The following IGFBP7 variants were observed in gnomAD, a reference collection of about 807,000 sequenced individuals.
The protein encoded by IGFBP7 is insulin-like growth factor-binding protein 7.
In IGFBP7, 31 loss-of-function variants were observed where a neutral mutation model predicts 29.4. The observed-to-expected ratio is 1.05, with a 90% confidence interval of 0.79 to 1.42. The LOEUF (loss-of-function observed/expected upper bound fraction) is 1.42. Ranked by LOEUF, IGFBP7 falls within the 40% of genes most tolerant of loss-of-function variation. IGFBP7 has a pLI of 0.00. For synonymous variants in IGFBP7, 172 were observed against 174.9 expected (o/e 0.98, Z 0.13); for missense variants, 393 against 395.5 (o/e 0.99, Z 0.05).
chr4:57,072,831 A>G, intron 1 of IGFBP7: 1 of 586,402 alleles, frequency 1.7e-6, no homozygotes, highest in Admixed American at 1.9e-5. Flanking sequence ...CTGAGGTATA[A>G]GCTCTCCCTA....
intron 1 of IGFBP7, among the ~76,000 whole-genome samples, chr4:57,093,453 T>G (rs1163789149): frequency 1.3e-5 from 2 of 148,992 alleles, no homozygotes; most frequent in Non-Finnish European, 3.0e-5. Context: ...TGAGCGGAGA[T>G]CACACCTCTG....
intron 1 of IGFBP7, among the ~76,000 whole-genome samples, chr4:57,058,400 C>T (rs900116159): frequency 7.9e-5 from 12 of 152,264 alleles, no homozygotes; most frequent in African/African-American, 2.9e-4. Flanking sequence ...GGTACAAAAA[C>T]AAACATCTAG....
intron 1 of IGFBP7, among the ~76,000 whole-genome samples, chr4:57,098,867 A>G (rs1371831503): frequency 6.6e-6 from 1 of 152,184 alleles, no homozygotes; most frequent in Non-Finnish European, 1.5e-5. Flanking sequence ...CTGTTCCTGG[A>G]GCAGAAAGTT....
In IGFBP7 at chr4:57,110,212, C is replaced by T; in HGVS notation, c.140G>A (p.Gly47Asp). ...PASCPPLPPL[G>D]CLLGETRDAC... ...GTCGCGGGTCTCGCCCAGCAGGCAG[C>T]CCAGCGGGGGCAGGGGCGGGCAGGA... is the stretch of plus-strand genomic sequence containing the variant. Residue 47 changes from glycine to aspartate, a missense_variant, in exon 1 of 5, where the codon GGC becomes GAC. Transcript: ENST00000295666. 2 of 1,377,898 alleles carry T rather than the reference C, an allele frequency of 1.5e-6. No homozygotes were observed. The highest frequency in any genetic ancestry group is 1.7e-5 in the South Asian group (1 of 58,492). The allele number at this position is 1,377,898 out of a possible 1,614,324, so 85.4% of individuals were successfully genotyped here.
At position 57,076,254 on chromosome 4, in the gene IGFBP7, G is replaced by A. The variant is rs11573062; in HGVS notation, c.475+33623C>T. 2.2e-3 allele frequency among the ~76,000 whole-genome samples: 339 copies of A among 152,256 alleles called. 1 individual carries two copies. Among genetic ancestry groups the A allele is most frequent in the Non-Finnish European group, 4.0e-3 (275 of 68,018 alleles). Reference sequence around the variant, plus strand: ...CACCTGTGAATACCATCACACTGGGGGTTAAAGCTTCCACAGAGAAATTTT... The same window carrying A: ...CACCTGTGAATACCATCACACTGGGAGTTAAAGCTTCCACAGAGAAATTTT... On this transcript the variant is annotated intron_variant, in intron 1 of 4. Transcript: ENST00000295666.
intron 1 of IGFBP7, among the ~76,000 whole-genome samples, chr4:57,057,314 AT>A (rs1372574668): frequency 1.3e-5 from 2 of 152,192 alleles, no homozygotes; most frequent in East Asian, 3.9e-4. Context: ...CCATCCGTAG[AT>A]TGGGTTTTAA....
chr4:57,095,889 G>C (rs1215005252), intron 1 of IGFBP7, among the ~76,000 whole-genome samples: 4 of 152,024 alleles, frequency 2.6e-5, no homozygotes, highest in Admixed American at 2.6e-4. Context: ...CAGTGTGAAG[G>C]TTCCCCTTTC....
chr4:57,040,985 G>A, intron 1 of IGFBP7, 52 bp from the exon 2 acceptor site: 5 of 1,129,782 alleles, frequency 4.4e-6, no homozygotes, highest in South Asian at 2.5e-5. Context: ...TCCTTCACAT[G>A]AGTCAGCATC....
intron 1 of IGFBP7, among the ~76,000 whole-genome samples, chr4:57,053,646 C>T (rs982477043): frequency 2.0e-5 from 3 of 152,150 alleles, no homozygotes; most frequent in Admixed American, 6.5e-5. Context: ...GGAATACCTA[C>T]ACTATCATCC....
At chr4:57,081,054 C>T (rs1289423784) in intron 1 of IGFBP7, among the ~76,000 whole-genome samples, 1 of 152,224 alleles carries the variant, frequency 6.6e-6, no homozygotes, top group African/African-American at 2.4e-5. Flanking sequence ...GAAGTCAACA[C>T]CCATTTCCTC....
chr4:57,084,493 G>A (rs962725790), intron 1 of IGFBP7, among the ~76,000 whole-genome samples: 3 of 152,146 alleles, frequency 2.0e-5, no homozygotes, highest in East Asian at 1.9e-4. Flanking sequence ...CTATTCTGAT[G>A]TCGGCAGTTT....
chr4:57,068,579 G>A (rs926513139), intron 1 of IGFBP7, among the ~76,000 whole-genome samples: 34 of 152,104 alleles, frequency 2.2e-4, no homozygotes, highest in African/African-American at 8.2e-4. Flanking sequence ...AGTCAAAAAT[G>A]AAGAACATAC....
chr4:57,095,572 C>T (rs1725741206), intron 1 of IGFBP7, among the ~76,000 whole-genome samples: 1 of 152,160 alleles, frequency 6.6e-6, no homozygotes, highest in Non-Finnish European at 1.5e-5. Context: ...AGTATCTTCA[C>T]TTTACAGATG....
At chr4:57,093,286 A>G (rs1381577356) in intron 1 of IGFBP7, among the ~76,000 whole-genome samples, 1 of 152,192 alleles carries the variant, frequency 6.6e-6, no homozygotes, top group Non-Finnish European at 1.5e-5. Flanking sequence ...GGATCACTTG[A>G]GGTCAGGAGT....
At chr4:57,050,283 C>T (rs1290129519) in intron 1 of IGFBP7, among the ~76,000 whole-genome samples, 4 of 141,150 alleles carry the variant, frequency 2.8e-5, no homozygotes, top group African/African-American at 5.3e-5. Flanking sequence ...TTCGCTCTTT[C>T]GCTCAGGCAG....
chr4:57,096,549 G>A (rs1053281557), intron 1 of IGFBP7, among the ~76,000 whole-genome samples: 3 of 152,172 alleles, frequency 2.0e-5, no homozygotes, highest in Middle Eastern at 3.4e-3. Flanking sequence ...AAGCTCCCCA[G>A]GTGATTCTGA....
chr4:57,081,979 A>G (rs1714006), intron 1 of IGFBP7, among the ~76,000 whole-genome samples: 94,774 of 151,986 alleles, frequency 0.62, 31,649 homozygotes, highest in Non-Finnish European at 0.74. Context: ...TTGGCTTACC[A>G]GGTGAAAGGC....
intron 1 of IGFBP7, among the ~76,000 whole-genome samples, chr4:57,067,755 T>C (rs1481754041): frequency 2.0e-5 from 3 of 152,022 alleles, no homozygotes; most frequent in Non-Finnish European, 4.4e-5. Flanking sequence ...TTCAAAGCAG[T>C]GATTGCTTTT....
At chr4:57,056,691 A>T (rs565252222) in intron 1 of IGFBP7, among the ~76,000 whole-genome samples, 16 of 152,350 alleles carry the variant, frequency 1.1e-4, no homozygotes, top group African/African-American at 3.6e-4. Context: ...TGGGGGACAG[A>T]GGAGTCCATC....
Sources: gnomAD v4.1 joint callset for allele counts (sites outside exome capture counted in the v4.1 genomes callset) on GRCh38, gnomAD v4.1.1 for gene constraint, MANE v1.5 for transcripts, NCBI Gene and HGNC (gene_info 2026-07-23, HGNC 2026-07-21) for gene names.